Variants in TBC1D32 observed in about 807,000 individuals in gnomAD.
TBC1D32 encodes protein broad-minded.
In TBC1D32, 151 loss-of-function variants were observed where a neutral mutation model predicts 170.3. The ratio of observed to expected loss-of-function variants is 0.89; its 90% confidence interval spans 0.78 to 1.01. The LOEUF (loss-of-function observed/expected upper bound fraction) is 1.01. TBC1D32 is among the 50% of genes least tolerant of loss of function. TBC1D32 has a pLI of 0.00. For missense variants in TBC1D32, 1,464 were observed against 1,457.1 expected (o/e 1.00, Z -0.08); for synonymous variants, 498 against 488.0 (o/e 1.02, Z -0.27).
At position 121,310,940 on chromosome 6, in the gene TBC1D32, C is replaced by T. The variant is rs1808097802; in HGVS notation, c.496-93G>A. The T allele has an allele frequency of 6.6e-6, 5 of 752,556 alleles. No homozygotes were observed. The Admixed American group carries it at 1.2e-4, about 18-fold the overall frequency. 46.6% of individuals were successfully genotyped at this position (752,556 alleles called of 1,614,324 possible). On this transcript the variant is annotated intron_variant, in intron 3 of 31. Coordinates refer to ENST00000398212, the MANE Select transcript of TBC1D32 (RefSeq NM_152730.6). Reference sequence around the variant, plus strand: ...TTTCAATATAATTCCAAGCACAAAACACAATCCAGACAAGAGAAGGAGATG... The same window carrying T: ...TTTCAATATAATTCCAAGCACAAAATACAATCCAGACAAGAGAAGGAGATG...
chr6:121,264,609 C>A (rs577408911), intron 15 of TBC1D32, among the ~76,000 whole-genome samples: 1 of 152,058 alleles, frequency 6.6e-6, no homozygotes, highest in Non-Finnish European at 1.5e-5. Flanking sequence ...AGAGACACAA[C>A]AAAAAAAGAA....
chr6:121,243,615 C>T (rs1797247564), intron 17 of TBC1D32, among the ~76,000 whole-genome samples: 1 of 151,718 alleles, frequency 6.6e-6, no homozygotes, highest in African/African-American at 2.4e-5. Flanking sequence ...ACAATATCAG[C>T]ATCCAATGAA....
intron 5 of TBC1D32, among the ~76,000 whole-genome samples, chr6:121,307,062 A>T (rs956218317): frequency 1.3e-5 from 2 of 152,046 alleles, no homozygotes; most frequent in Non-Finnish European, 2.9e-5. Context: ...TGAGAGTATC[A>T]TAAAACAGCA....
intron 15 of TBC1D32, among the ~76,000 whole-genome samples, chr6:121,271,284 A>T (rs1801373875): frequency 6.6e-6 from 1 of 152,164 alleles, no homozygotes; most frequent in Admixed American, 6.5e-5. Context: ...AGGAGAAAGA[A>T]ATAAAGGGTA....
At chr6:121,301,133 G>T (rs1200684644) in intron 9 of TBC1D32, among the ~76,000 whole-genome samples, 1 of 152,100 alleles carries the variant, frequency 6.6e-6, no homozygotes, top group African/African-American at 2.4e-5. Context: ...GCAGTGTGGC[G>T]ATTCCTCAAG....
intron 22 of TBC1D32, among the ~76,000 whole-genome samples, chr6:121,185,813 T>C (rs2128279794): frequency 6.6e-6 from 1 of 152,232 alleles, no homozygotes; most frequent in East Asian, 1.9e-4. Flanking sequence ...AGTAAGGCAC[T>C]GAGCAAATAT....
chr6:121,083,937 C>T (rs1775919319), intron 31 of TBC1D32, among the ~76,000 whole-genome samples: 1 of 152,120 alleles, frequency 6.6e-6, no homozygotes, highest in Non-Finnish European at 1.5e-5. Context: ...CTCATTCCTT[C>T]ACCTTGTTCT....
At chr6:121,176,778 T>C (rs1787819177) in intron 22 of TBC1D32, among the ~76,000 whole-genome samples, 1 of 152,024 alleles carries the variant, frequency 6.6e-6, no homozygotes, top group African/African-American at 2.4e-5. Flanking sequence ...TTTGTATTTT[T>C]AGTAGAGATG....
rs988612987 is a variant in TBC1D32, at chr6:121,134,961, C to CT, written c.2774-3210_2774-3209insA. On this transcript the variant is annotated intron_variant, in intron 24 of 31. Coordinates refer to ENST00000398212, the MANE Select transcript of TBC1D32 (RefSeq NM_152730.6). ...AGCCATAGGCAGACAGAGACAAAGG[C>CT]CCCCCTGACTGTTCTTGCTAGAAAA... is the stretch of plus-strand genomic sequence containing the variant. 5.8e-5 allele frequency among the ~76,000 whole-genome samples: 6 copies of CT among 102,828 alleles called. No individual in the cohort carries two copies. In the Admixed American group the frequency reaches 7.4e-4, roughly 13 times the overall value. The allele number at this position is 102,828 out of a possible 152,430, so 67.5% of individuals were successfully genotyped here. A position where few individuals can be genotyped will look rare whatever the true frequency, so the allele number is the denominator to read the frequency against.
chr6:121,308,985 A>G (rs79371441), intron 4 of TBC1D32, among the ~76,000 whole-genome samples: 4,990 of 152,168 alleles, frequency 0.033, 194 homozygotes, highest in East Asian at 0.12. Flanking sequence ...AAACAACTAA[A>G]GCCTAGTCAT....
intron 12 of TBC1D32, among the ~76,000 whole-genome samples, chr6:121,290,276 C>T (rs1351902581): frequency 1.1e-4 from 16 of 152,130 alleles, no homozygotes; most frequent in Admixed American, 2.0e-4. Flanking sequence ...TATCCAGAAT[C>T]CACAATGAAC....
rs528394469 is a variant in TBC1D32, at chr6:121,188,018, G to A, written c.2570+17057C>T. On this transcript the variant is annotated intron_variant, in intron 22 of 31. Transcript: ENST00000398212. ...GTTAGGCATTACATTCTTTGGAACC[G>A]GTCTATCTGGATTCAAATACCAACT... Among the ~76,000 whole-genome samples the A allele has an allele frequency of 7.4e-4, 112 of 152,106 alleles. No individual in the cohort carries two copies. The South Asian group carries it at 8.5e-3, about 12-fold the overall frequency.
chr6:121,317,782 C>G (rs573045325), intron 2 of TBC1D32, 110 bp from the exon 3 acceptor site: 20,484 of 746,238 alleles, frequency 0.027, 657 homozygotes, highest in African/African-American at 0.12. Flanking sequence ...CCTTTAAGAA[C>G]ACAATGCTAA....
chr6:121,326,158 T>G (rs747981758), intron 1 of TBC1D32, among the ~76,000 whole-genome samples: 2 of 152,058 alleles, frequency 1.3e-5, no homozygotes, highest in Non-Finnish European at 2.9e-5. Context: ...GTGAGGAAAT[T>G]TAACACAAGC....
intron 31 of TBC1D32, among the ~76,000 whole-genome samples, chr6:121,081,793 G>C (rs971157857): frequency 7.2e-5 from 11 of 151,902 alleles, no homozygotes; most frequent in Admixed American, 6.6e-4. Context: ...GTTTTTAAAG[G>C]CTTCAGATAT....
At chr6:121,291,165 G>A (rs1202252226) in intron 12 of TBC1D32, among the ~76,000 whole-genome samples, 1 of 150,820 alleles carries the variant, frequency 6.6e-6, no homozygotes, top group Non-Finnish European at 1.5e-5. Context: ...AAAAAAGAAA[G>A]AAAGAAAACC....
chr6:121,168,412 G>C (rs1452970023), intron 22 of TBC1D32, among the ~76,000 whole-genome samples: 1 of 115,584 alleles, frequency 8.7e-6, no homozygotes, highest in African/African-American at 3.0e-5. Context: ...GTCCTTTGTA[G>C]GGACATGGAT....
intron 31 of TBC1D32, among the ~76,000 whole-genome samples, chr6:121,089,363 G>A (rs747456234): frequency 6.6e-6 from 1 of 152,092 alleles, no homozygotes; most frequent in Non-Finnish European, 1.5e-5. Context: ...AGGATAAGAT[G>A]TTAGAGAATT....
intron 16 of TBC1D32, 73 bp from the exon 17 acceptor site, chr6:121,255,483 T>A (rs1432494315): frequency 1.3e-5 from 4 of 318,266 alleles, no homozygotes; most frequent in African/African-American, 2.3e-5. Context: ...ATAATTATAT[T>A]TATAATTATA....
Sources: allele counts gnomAD v4.1 joint callset (sites outside exome capture counted in the v4.1 genomes callset), GRCh38; gene constraint gnomAD v4.1.1; transcripts MANE v1.5; gene names NCBI Gene and HGNC (gene_info 2026-07-23, HGNC 2026-07-21).